The following HOXA3 variants were observed in gnomAD, a reference collection of about 807,000 sequenced individuals.
HOXA3 encodes the protein homeobox A3.
Under a neutral mutation model 30.3 loss-of-function variants are expected in HOXA3, and 8 were observed. That is an observed-to-expected ratio of 0.26 (90% CI 0.15 to 0.48). HOXA3 has a LOEUF of 0.48. Ranked by LOEUF, HOXA3 falls within the 20% of genes least tolerant of loss-of-function variation. The probability of loss-of-function intolerance (pLI) is 0.99; values close to 1 mark genes in which losing one functional copy is unlikely to be tolerated. For missense variants in HOXA3, 653 were observed against 614.4 expected (o/e 1.06, Z -0.66); for synonymous variants, 323 against 273.1 (o/e 1.18, Z -1.80).
chr7:27,119,123 A>C (rs1784883181), intron 4 of HOXA3, among the ~76,000 whole-genome samples: 1 of 151,832 alleles, frequency 6.6e-6, no homozygotes, highest in Non-Finnish European at 1.5e-5. Context: ...TATCAGAGGA[A>C]ATGATCTAAT....
At chr7:27,126,455 C>T (rs984337568) in intron 3 of HOXA3, among the ~76,000 whole-genome samples, 1 of 147,784 alleles carries the variant, frequency 6.8e-6, no homozygotes, top group African/African-American at 2.5e-5. Context: ...AAAAAAAAAA[C>T]AATTAATGAG....
intron 1 of HOXA3, chr7:27,143,252 T>C (rs759065939): frequency 6.2e-7 from 1 of 1,608,866 alleles, no homozygotes; most frequent in Non-Finnish European, 8.5e-7. Context: ...TAGGGAGTTT[T>C]TCCCGCCGTG....
rs1419443552 is a variant in HOXA3 at position 27,140,087 on chromosome 7, A to G, written c.-394T>C. The G allele has an allele frequency of 1.3e-5, 2 of 151,748 alleles. No individual in the cohort carries two copies. 9.4% of individuals were successfully genotyped at this position (151,748 alleles called of 1,614,324 possible). ...GCGCTCAGGAGGCGAGCTTACCTTAACTCGGAGGGAGCCATTTTTCAGAGA... is the reference window on the plus strand; with the variant it reads ...GCGCTCAGGAGGCGAGCTTACCTTAGCTCGGAGGGAGCCATTTTTCAGAGA... On this transcript the variant is annotated 5_prime_UTR_variant, in exon 2 of 6. Transcript: ENST00000612286.
chr7:27,151,700 C>G (rs777536914), intron 1 of HOXA3: 5 of 456,560 alleles, frequency 1.1e-5, no homozygotes, highest in South Asian at 7.7e-5. Context: ...TTCTGTTTCC[C>G]CCTTCTACCT....
At chr7:27,149,015 C>T (rs576935543) in intron 1 of HOXA3, among the ~76,000 whole-genome samples, 12 of 152,380 alleles carry the variant, frequency 7.9e-5, no homozygotes, top group African/African-American at 2.9e-4. Flanking sequence ...CCCTCAGTCG[C>T]TCCGGAACCG....
chr7:27,147,568 G>C lies in HOXA3; in HGVS notation c.-494+4720C>G, dbSNP rs755605484. The C allele has an allele frequency of 2.8e-5, 45 of 1,614,122 alleles. 1 individual carries two copies. In the South Asian group the frequency reaches 4.7e-4, roughly 17 times the overall value. On this transcript the variant is annotated intron_variant, in intron 1 of 5. Transcript: ENST00000612286. ...CCGGTTGCAGGCCAGGACCGAGTTG[G>C]ACTGTTGGTAGAAACAAGGTGAGGT...
chr7:27,143,095 G>T, intron 1 of HOXA3: 1 of 1,560,036 alleles, frequency 6.4e-7, no homozygotes, highest in South Asian at 1.2e-5. Flanking sequence ...GGGGTTGGGC[G>T]GGCGGCGCCG....
In HOXA3 at chr7:27,107,984, G is replaced by T. The variant is rs534977529; in HGVS notation, c.1263C>A (p.Tyr421Ter). ...AAGGATGGTGGCCGGTAAGGTCCGT[G>T]TAGGTGGGGTGCGGCTCCCCAGGCC... ...GPGPGEPHPT[Y>*]TDLTGHHPSQ... Residue 421 changes from tyrosine to a stop codon, truncating the protein, a stop_gained, in exon 6 of 6, where the codon TAC becomes TAA. Transcript: ENST00000612286. LOFTEE classifies it high-confidence loss of function. The T allele has an allele frequency of 6.2e-7, 1 of 1,611,314 alleles. No homozygotes were observed. The highest frequency in any genetic ancestry group is 1.3e-5 in the African/African-American group (1 of 74,940).
At chr7:27,133,209 TAAAC>T (rs1785614992) in intron 2 of HOXA3, among the ~76,000 whole-genome samples, 1 of 152,208 alleles carries the variant, frequency 6.6e-6, no homozygotes, top group Non-Finnish European at 1.5e-5. Context: ...ATGGCTGTAA[TAAAC>T]AATCTCAGTA....
At chr7:27,142,915 C>T (rs564339397) in intron 1 of HOXA3, 10 of 831,106 alleles carry the variant, frequency 1.2e-5, no homozygotes, top group South Asian at 3.8e-5. Context: ...GGAGGGAGAA[C>T]GGCAAGGAGA....
rs1026679792 is a variant in HOXA3 at position 27,140,079 on chromosome 7, T to C, written c.-390+4A>G. On this transcript the variant is annotated splice_donor_region_variant and intron_variant, in intron 2 of 5. Transcript: ENST00000612286. ...ACTTGAAAGCGCTCAGGAGGCGAGC[T>C]TACCTTAACTCGGAGGGAGCCATTT... The C allele has an allele frequency of 2.0e-5, 3 of 150,906 alleles. No homozygotes were observed. The highest frequency in any genetic ancestry group is 4.4e-5 in the Non-Finnish European group (3 of 67,916). 9.3% of individuals were successfully genotyped at this position (150,906 alleles called of 1,614,324 possible).
intron 5 of HOXA3, 89 bp downstream of exon 5, chr7:27,110,026 C>T (rs1784270327): frequency 4.0e-6 from 6 of 1,489,208 alleles, no homozygotes; most frequent in East Asian, 2.3e-5. Flanking sequence ...CATGCTCCAT[C>T]GCTCCTAGGC....
At chr7:27,151,828 T>A (rs530714073) in intron 1 of HOXA3, 6,116 of 369,908 alleles carry the variant, frequency 0.017, 203 homozygotes, top group African/African-American at 0.087. Context: ...AAGGATGGTC[T>A]CCTCTTGTTG....
chr7:27,110,691 G>A lies in HOXA3; in HGVS notation c.-51C>T. 1 of 1,585,486 alleles carries A rather than the reference G, an allele frequency of 6.3e-7. No individual in the cohort carries two copies. Among genetic ancestry groups the A allele is most frequent in the Non-Finnish European group, 8.6e-7 (1 of 1,158,066 alleles). ...ACACTCTGACAGGGGTTTGACACCCGTGAGGGCGCACATTGGCACGCCCCC... is the reference window on the plus strand; with the variant it reads ...ACACTCTGACAGGGGTTTGACACCCATGAGGGCGCACATTGGCACGCCCCC... On this transcript the variant is annotated 5_prime_UTR_variant, in exon 5 of 6. The change creates a new upstream start codon in the 5' untranslated region. Transcript: ENST00000612286.
chr7:27,145,931 C>T (rs1782744971), intron 1 of HOXA3: 11 of 1,607,714 alleles, frequency 6.8e-6, no homozygotes, highest in Non-Finnish European at 9.3e-6. Context: ...CGAGCAGAAA[C>T]GGCCGGGCGC....
chr7:27,119,993 G>A (rs1172226742), intron 4 of HOXA3, among the ~76,000 whole-genome samples: 1 of 152,054 alleles, frequency 6.6e-6, no homozygotes. Context: ...GGGGGATAGA[G>A]GACAGGAGTA....
intron 1 of HOXA3, chr7:27,143,378 G>T (rs774919421): frequency 1.3e-6 from 2 of 1,594,822 alleles, no homozygotes; most frequent in African/African-American, 1.3e-5. Flanking sequence ...CGCCGCGCTG[G>T]CGCTGGCAGC....
chr7:27,148,386 G>C (rs893838121), intron 1 of HOXA3, among the ~76,000 whole-genome samples: 2 of 152,238 alleles, frequency 1.3e-5, no homozygotes, highest in Non-Finnish European at 2.9e-5. Flanking sequence ...CTCTTCACTC[G>C]TGCGCCTTAG....
intron 2 of HOXA3, among the ~76,000 whole-genome samples, chr7:27,138,496 C>G (rs1215189560): frequency 1.3e-5 from 2 of 152,154 alleles, no homozygotes; most frequent in Non-Finnish European, 2.9e-5. Flanking sequence ...AAAAGCAGAT[C>G]CTATTTTTTG....
Sources: gnomAD v4.1 joint callset for allele counts (sites outside exome capture counted in the v4.1 genomes callset) on GRCh38, gnomAD v4.1.1 for gene constraint, MANE v1.5 for transcripts, NCBI Gene and HGNC (gene_info 2026-07-23, HGNC 2026-07-21) for gene names.